The following AFF2 variants were observed in gnomAD, a reference collection of about 807,000 sequenced individuals.
The protein encoded by AFF2 is ALF transcription elongation factor 2.
AFF2 carries 14 observed loss-of-function variants against 76.9 expected under a neutral mutation model. That is an observed-to-expected ratio of 0.18 (90% CI 0.12 to 0.28). The LOEUF is 0.28. AFF2 is among the 10% of genes least tolerant of loss of function. The pLI, the probability that AFF2 is intolerant of heterozygous loss-of-function variation, is 1.00. For missense variants in AFF2, 868 were observed against 1,001.1 expected, an observed-to-expected ratio of 0.87 and a Z score of 1.79; for synonymous variants, 398 against 366.7, an observed-to-expected ratio of 1.09 and a Z score of -0.98.
intron 1 of AFF2, among the ~76,000 whole-genome samples, chrX:148,604,605 G>T (rs1217189341): frequency 1.8e-5 from 2 of 111,422 alleles, no homozygotes; most frequent in Non-Finnish European, 3.8e-5. Context: ...TTAAAAAAAA[G>T]GAAAATAAAA....
At chrX:148,988,539 G>A (rs2072499507) in intron 20 of AFF2, among the ~76,000 whole-genome samples, 2 of 112,054 alleles carry the variant, frequency 1.8e-5, no homozygotes, top group Admixed American at 1.9e-4. Flanking sequence ...TGATGATGGT[G>A]AAACGTCCCA....
intron 15 of AFF2, among the ~76,000 whole-genome samples, chrX:148,971,126 GTTTT>G (rs142941450): frequency 2.9e-5 from 2 of 69,153 alleles, no homozygotes. Flanking sequence ...TAACTTCATT[GTTTT>G]TTTTTTTTTT....
chrX:148,995,136 CGTT>C lies in AFF2; in HGVS notation c.*3811_*3813del, dbSNP rs1191343709. On this transcript the variant is annotated 3_prime_UTR_variant, in exon 21 of 21. Coordinates refer to ENST00000370460, the MANE Select transcript of AFF2 (RefSeq NM_002025.4). ...ATGACTGGCAGACTAAATTCTTCAT[CGTT>C]GTTGTTATTGTTGTTGTTGTTTCTC... The C allele has an allele frequency of 9.0e-6, 1 of 111,519 alleles. No homozygotes were observed. Among genetic ancestry groups the C allele is most frequent in the Non-Finnish European group, 1.9e-5 (1 of 53,067 alleles). 9.2% of individuals were successfully genotyped at this position (111,519 alleles called of 1,213,427 possible). A position where few individuals can be genotyped will look rare whatever the true frequency, so the allele number is the denominator to read the frequency against.
At chrX:148,593,347 A>G (rs1331327312) in intron 1 of AFF2, among the ~76,000 whole-genome samples, 4 of 112,440 alleles carry the variant, frequency 3.6e-5, no homozygotes, top group Middle Eastern at 9.2e-3. Flanking sequence ...TGGGAGTGAA[A>G]GAGGAAGTTT....
intron 7 of AFF2, among the ~76,000 whole-genome samples, chrX:148,871,064 G>A (rs782587605): frequency 9.0e-6 from 1 of 111,422 alleles, no homozygotes; most frequent in Non-Finnish European, 1.9e-5. Flanking sequence ...GTGTGTGTGT[G>A]GTTGTGGGGA....
At chrX:148,984,989 T>C (rs1476529097) in intron 19 of AFF2, among the ~76,000 whole-genome samples, 1 of 110,600 alleles carries the variant, frequency 9.0e-6, no homozygotes, top group Non-Finnish European at 1.9e-5. Context: ...TTGTTTTCTT[T>C]TTTTCTGTCT....
intron 1 of AFF2, among the ~76,000 whole-genome samples, chrX:148,616,828 G>A (rs2053809956): frequency 9.2e-6 from 1 of 109,061 alleles, no homozygotes; most frequent in East Asian, 2.9e-4. Context: ...GCGGTGTTTG[G>A]TTTTTTGTCC....
intron 10 of AFF2, among the ~76,000 whole-genome samples, 175 bp downstream of exon 10, chrX:148,953,914 A>C (rs2072002028): frequency 8.9e-6 from 1 of 112,765 alleles, no homozygotes; most frequent in Non-Finnish European, 1.9e-5. Flanking sequence ...CAGCACTTTT[A>C]AAAAGCATAT....
Position 148,967,089 on chromosome X carries a change from T to A in AFF2, c.3203+10T>A, listed in dbSNP as rs1369403529. 2 of 1,207,669 alleles carry A rather than the reference T, an allele frequency of 1.7e-6. No homozygotes were observed. Among genetic ancestry groups the A allele is most frequent in the Non-Finnish European group, 2.2e-6 (2 of 894,309 alleles). ...TCACTTTTGATGACTCGTATGTTGT[T>A]CCAGATTATCATGGACAGTTTGGAG... On this transcript the variant is annotated intron_variant, in intron 14 of 20. Coordinates refer to ENST00000370460, the MANE Select transcript of AFF2 (RefSeq NM_002025.4).
At chrX:148,845,695 C>A (rs1236638665) in intron 7 of AFF2, among the ~76,000 whole-genome samples, 3 of 112,148 alleles carry the variant, frequency 2.7e-5, no homozygotes, top group African/African-American at 9.7e-5. Flanking sequence ...TAAACCACCT[C>A]CTAGGATTTT....
chrX:148,883,980 TACACACACACAC>T (rs35575810), intron 7 of AFF2, among the ~76,000 whole-genome samples: 2 of 104,024 alleles, frequency 1.9e-5, no homozygotes, highest in African/African-American at 3.5e-5. Context: ...TGTATTGAGA[TACACACACACAC>T]ACACACACAC....
At chrX:148,763,837 C>G (rs921665027) in intron 3 of AFF2, among the ~76,000 whole-genome samples, 1 of 111,722 alleles carries the variant, frequency 9.0e-6, no homozygotes. Context: ...TGGTGCCAGT[C>G]GGAAGCATAG....
rs781786323 is a variant in AFF2 at position 148,850,111 on chromosome X, G to A, written c.1262+6678G>A. Among the ~76,000 whole-genome samples, 4 of 111,694 alleles carry A rather than the reference G, an allele frequency of 3.6e-5. No homozygotes were observed. The South Asian group carries it at 1.1e-3, about 32-fold the overall frequency. ...GACTCTAGAATATTCCCTTCAGTGA[G>A]GCTGAAGGATCTATTCCTGCAAGAG... is the stretch of plus-strand genomic sequence containing the variant. On this transcript the variant is annotated intron_variant, in intron 7 of 20. Transcript: ENST00000370460.
intron 3 of AFF2, among the ~76,000 whole-genome samples, chrX:148,695,348 T>C (rs782371810): frequency 8.9e-6 from 1 of 111,940 alleles, no homozygotes; most frequent in Non-Finnish European, 1.9e-5. Context: ...GGCCCAAGTA[T>C]GTCTGAGATA....
chrX:148,518,773 A>T (rs2052565023), intron 1 of AFF2, among the ~76,000 whole-genome samples: 1 of 112,120 alleles, frequency 8.9e-6, no homozygotes, highest in South Asian at 3.7e-4. Flanking sequence ...TGCAGTGTAG[A>T]CCATTGGCTG....
intron 15 of AFF2, among the ~76,000 whole-genome samples, chrX:148,971,921 C>T (rs1433674600): frequency 3.4e-5 from 1 of 29,598 alleles, no homozygotes; most frequent in Non-Finnish European, 5.7e-5. Context: ...TATCCCTCCC[C>T]CCTCCCCCGA....
intron 1 of AFF2, among the ~76,000 whole-genome samples, chrX:148,532,864 G>T (rs2052744395): frequency 8.9e-6 from 1 of 112,188 alleles, no homozygotes; most frequent in Non-Finnish European, 1.9e-5. Context: ...GTATGTGTGT[G>T]TGTGTGTGTA....
chrX:148,702,303 T>C (rs781940920), intron 3 of AFF2, among the ~76,000 whole-genome samples: 2 of 111,987 alleles, frequency 1.8e-5, no homozygotes, highest in African/African-American at 6.5e-5. Context: ...TTGGTCCTTG[T>C]CAGAAATATT....
intron 3 of AFF2, among the ~76,000 whole-genome samples, chrX:148,749,062 C>G (rs1488610018): frequency 9.0e-6 from 1 of 111,389 alleles, no homozygotes; most frequent in Non-Finnish European, 1.9e-5. Context: ...TTTGGAGGAA[C>G]TGTAAAAGCT....
Sources: allele counts gnomAD v4.1 joint callset (sites outside exome capture counted in the v4.1 genomes callset), GRCh38; gene constraint gnomAD v4.1.1; transcripts MANE v1.5; gene names NCBI Gene and HGNC (gene_info 2026-07-23, HGNC 2026-07-21).